MYO1A: variants seen among roughly 807,000 people sequenced by gnomAD.
MYO1A encodes the protein myosin IA.
MYO1A carries 127 observed loss-of-function variants against 138.5 expected under a neutral mutation model. The observed-to-expected ratio is 0.92, with a 90% CI of 0.79 to 1.06. The LOEUF (loss-of-function observed/expected upper bound fraction) is 1.06, where lower values mean the gene tolerates loss of function less well. Among genes scored for constraint, MYO1A ranks in the 50% least tolerant of loss-of-function variants. MYO1A has a pLI of 0.00. For missense variants in MYO1A, 1,211 were observed against 1,288.8 expected (o/e 0.94, Z 0.92); for synonymous variants, 477 against 497.5 (o/e 0.96, Z 0.55).
Position 57,036,860 on chromosome 12 carries a change from T to C in MYO1A, c.2206-20A>G. The C allele has an allele frequency of 6.2e-7, 1 of 1,614,140 alleles. No individual in the cohort carries two copies. Among genetic ancestry groups the C allele is most frequent in the Non-Finnish European group, 8.5e-7 (1 of 1,180,012 alleles). On this transcript the variant is annotated intron_variant, in intron 20 of 27. Coordinates refer to ENST00000300119, the MANE Select transcript of MYO1A (RefSeq NM_005379.4). ...CTTTTGCTGTAGAAAACATAGGAGT[T>C]GTTAGAAAAATGGCACCTCCTGAGC...
Position 57,030,330 on chromosome 12 carries a change from G to A in MYO1A, c.2485-14C>T, listed in dbSNP as rs747343919. 3.8e-5 allele frequency: 61 copies of A among 1,609,990 alleles called. No individual in the cohort carries two copies. The East Asian group carries it at 1.2e-3, about 33-fold the overall frequency. On this transcript the variant is annotated splice_polypyrimidine_tract_variant and intron_variant, in intron 23 of 27. Transcript: ENST00000300119. ...GAACCTCTTGCACTGTGAGGAAGGA[G>A]GGACAGGAGCTAAAATCATAGAGTG...
At position 57,043,805 on chromosome 12, in the gene MYO1A, A is replaced by G. The variant is rs116732460; in HGVS notation, c.892+51T>C. ...GAGATGGTAGAAGGACACGACTTGTAGTAGGAAATTCAGGGTCTGGGTAGG... is the reference window on the plus strand; with the variant it reads ...GAGATGGTAGAAGGACACGACTTGTGGTAGGAAATTCAGGGTCTGGGTAGG... On this transcript the variant is annotated intron_variant, in intron 10 of 27. Coordinates refer to ENST00000300119, the MANE Select transcript of MYO1A (RefSeq NM_005379.4). 5.9e-4 allele frequency: 948 copies of G among 1,612,770 alleles called. 6 individuals carry two copies. The African/African-American group carries it at 0.011, about 19-fold the overall frequency.
intron 4 of MYO1A, 93 bp downstream of exon 4, chr12:57,047,534 G>C (rs988368298): frequency 1.1e-5 from 16 of 1,508,120 alleles, no homozygotes; most frequent in Non-Finnish European, 1.4e-5. Flanking sequence ...GAAGTTCTGT[G>C]GGGTGGAGGG....
chr12:57,041,057 G>T, intron 14 of MYO1A, 127 bp downstream of exon 14: 1 of 733,234 alleles, frequency 1.4e-6, no homozygotes. Flanking sequence ...CTATGCAAGG[G>T]AAACATTTTG....
At position 57,047,305 on chromosome 12, in the gene MYO1A, T is replaced by C; in HGVS notation, c.428A>G (p.Glu143Gly). Reference sequence around the variant, plus strand: ...AGGGCAGAGAGCAGAATTCTCACCCTCCAGCACTGGGTTAGACTGTAGCAG... The same window carrying C: ...AGGGCAGAGAGCAGAATTCTCACCCCCCAGCACTGGGTTAGACTGTAGCAG... ...EQLLQSNPVL[E>G]AFGNAKTIRN... The change falls in exon 5 of 28, where the codon GAG (glutamate) becomes GGG (glycine). Residue 143 changes from glutamate (E) to glycine (G), a missense_variant and splice_region_variant. Coordinates refer to ENST00000300119, the MANE Select transcript of MYO1A (RefSeq NM_005379.4). 1 of 1,613,586 alleles carries C rather than the reference T, an allele frequency of 6.2e-7. No individual in the cohort carries two copies. Among genetic ancestry groups the C allele is most frequent in the South Asian group, 1.1e-5 (1 of 91,070 alleles).
chr12:57,039,579 T>C (rs1366277051), intron 14 of MYO1A: 3 of 423,192 alleles, frequency 7.1e-6, no homozygotes, highest in Non-Finnish European at 1.3e-5. Flanking sequence ...AAGATTAGGA[T>C]AGAGATTTCC....
rs755412826 is a variant in MYO1A, at chr12:57,029,760, CCTT to C, written c.2701_2703del (p.Lys901del). 3.7e-6 allele frequency: 6 copies of C among 1,614,112 alleles called. No individual in the cohort carries two copies. In the South Asian group the frequency reaches 5.5e-5, roughly 15 times the overall value. The stretch of plus-strand genomic sequence containing the variant: ...CTTACCTTGCCATTGCCACGATTGA[CCTT>C]CTTCACGGCCTCTGCCATCAGAACA... On this transcript the variant is annotated inframe_deletion, in exon 25 of 28. Coordinates refer to ENST00000300119, the MANE Select transcript of MYO1A (RefSeq NM_005379.4).
intron 24 of MYO1A, 58 bp from the exon 25 acceptor site, chr12:57,029,930 C>A: frequency 6.2e-7 from 1 of 1,613,334 alleles, no homozygotes; most frequent in South Asian, 1.1e-5. Context: ...TTCCCCACCC[C>A]CAGAGTTCCC....
Position 57,041,513 on chromosome 12 carries a change from A to G in MYO1A, c.1099-16T>C. On this transcript the variant is annotated splice_polypyrimidine_tract_variant and intron_variant, in intron 12 of 27. Transcript: ENST00000300119. ...CGATGCCCACCTGAAGAGGAGAGAAAGATAAATCTGAGGACAGGCCCCCTC... is the reference window on the plus strand; with the variant it reads ...CGATGCCCACCTGAAGAGGAGAGAAGGATAAATCTGAGGACAGGCCCCCTC... 1 of 1,609,172 alleles carries G rather than the reference A, an allele frequency of 6.2e-7. No individual in the cohort carries two copies. Among genetic ancestry groups the G allele is most frequent in the Non-Finnish European group, 8.5e-7 (1 of 1,175,460 alleles).
At chr12:57,043,562 TA>T (rs113484493) in intron 10 of MYO1A, among the ~76,000 whole-genome samples, 6 of 152,340 alleles carry the variant, frequency 3.9e-5, no homozygotes, top group African/African-American at 1.4e-4. Flanking sequence ...ATTTTGCATG[TA>T]TCATCTACTT....
At chr12:57,041,069 CCT>C in intron 14 of MYO1A, 113 bp downstream of exon 14, 1 of 771,628 alleles carries the variant, frequency 1.3e-6, no homozygotes, top group Non-Finnish European at 2.3e-6. Context: ...AACATTTTGT[CCT>C]CTGTGTTCAC....
At position 57,038,797 on chromosome 12, in the gene MYO1A, C is replaced by A. The variant is rs2030716119; in HGVS notation, c.1533+12G>T. On this transcript the variant is annotated intron_variant, in intron 16 of 27. Coordinates refer to ENST00000300119, the MANE Select transcript of MYO1A (RefSeq NM_005379.4). ...GAGCCCTAATCTCTGCCCTCCAGCC[C>A]TGCCATTTCACCTTGCCCGCATAGT... 6.2e-7 allele frequency: 1 copy of A among 1,614,168 alleles called. No individual in the cohort carries two copies. The highest frequency in any genetic ancestry group is 8.5e-7 in the Non-Finnish European group (1 of 1,180,018).
In MYO1A at chr12:57,043,145, C is replaced by T. The variant is rs376700544; in HGVS notation, c.1025G>A (p.Arg342Gln). 9.9e-6 allele frequency: 16 copies of T among 1,614,146 alleles called. No homozygotes were observed. In the East Asian group the frequency reaches 1.6e-4, roughly 16 times the overall value. ...ALNVMQAQYARDALAKNIYSR... is the reference protein window; with the variant it reads ...ALNVMQAQYAQDALAKNIYSR... ...GTAGATGTTCTTAGCCAGGGCGTCCCGAGCATACTGAGCCTGTGGGTGAGG... is the reference window on the plus strand; with the variant it reads ...GTAGATGTTCTTAGCCAGGGCGTCCTGAGCATACTGAGCCTGTGGGTGAGG... Residue 342 changes from arginine (R) to glutamine (Q), a missense_variant, in exon 12 of 28, where the codon CGG becomes CAG. Arg to Gln is a conservative substitution (Grantham distance 43, BLOSUM62 1). Coordinates refer to ENST00000300119, the MANE Select transcript of MYO1A (RefSeq NM_005379.4).
chr12:57,037,762 CA>C, intron 18 of MYO1A, 106 bp downstream of exon 18: 1 of 1,488,624 alleles, frequency 6.7e-7, no homozygotes, highest in Non-Finnish European at 9.4e-7. Flanking sequence ...TCAAAGTATC[CA>C]TTCACCCAGC....
intron 22 of MYO1A, among the ~76,000 whole-genome samples, chr12:57,035,308 A>G (rs925634673): frequency 1.3e-5 from 2 of 152,346 alleles, no homozygotes; most frequent in African/African-American, 2.4e-5. Flanking sequence ...ACAAGAGGTG[A>G]TCAGGCAACT....
chr12:57,037,886 G>C lies in MYO1A; in HGVS notation c.1944C>G (p.His648Gln). The C allele has an allele frequency of 6.2e-7, 1 of 1,614,168 alleles. No individual in the cohort carries two copies. The highest frequency in any genetic ancestry group is 8.5e-7 in the Non-Finnish European group (1 of 1,180,028). The change falls in exon 18 of 28, where the codon CAC becomes CAG. Residue 648 changes from histidine to glutamine, a missense_variant. Physicochemically the swap from His to Gln is conservative, Grantham distance 24 (BLOSUM62 0). Coordinates refer to ENST00000300119, the MANE Select transcript of MYO1A (RefSeq NM_005379.4). ...GGTCTTACCGGTCTCCCCCATTCCA[G>C]TGAGGCCAGGTGCTCCGGCTCAGCA... ...YRLLSRSTWP[H>Q]WNGGDREGVE...
chr12:57,044,256 G>C, intron 8 of MYO1A, 47 bp from the exon 9 acceptor site: 1 of 1,498,192 alleles, frequency 6.7e-7, no homozygotes, highest in Non-Finnish European at 9.2e-7. Flanking sequence ...CAGGCTCTCT[G>C]GAGCCCTCCA....
In MYO1A at chr12:57,038,897, T is replaced by C. The variant is rs147130719; in HGVS notation, c.1445A>G (p.Tyr482Cys). ...LNQLFSKHGHYESKVTQNAQR... is the reference protein window; with the variant it reads ...LNQLFSKHGHCESKVTQNAQR... ...GGCATTCTGGGTGACTTTGCTCTCG[T>C]AGTGGCCATGCTTGGAGAAGAGCTG... is the stretch of plus-strand genomic sequence containing the variant. The change falls in exon 16 of 28, where the codon TAC (tyrosine) becomes TGC (cysteine). Residue 482 changes from tyrosine to cysteine, a missense_variant. Transcript: ENST00000300119. 2.6e-4 allele frequency: 421 copies of C among 1,614,066 alleles called. No homozygotes were observed. Among genetic ancestry groups the C allele is most frequent in the Non-Finnish European group, 3.2e-4 (377 of 1,180,042 alleles).
chr12:57,028,740 C>G lies in MYO1A; in HGVS notation c.*15G>C. 6.2e-7 allele frequency: 1 copy of G among 1,613,752 alleles called. No homozygotes were observed. The highest frequency in any genetic ancestry group is 8.5e-7 in the Non-Finnish European group (1 of 1,179,786). ...CAGGAGGAAGCAACTGCCATCTCTG[C>G]ATGGTGCCCCCTCCTCACTGCACAG... On this transcript the variant is annotated 3_prime_UTR_variant, in exon 28 of 28. Coordinates refer to ENST00000300119, the MANE Select transcript of MYO1A (RefSeq NM_005379.4).
Sources: allele counts gnomAD v4.1 joint callset (sites outside exome capture counted in the v4.1 genomes callset), GRCh38; gene constraint gnomAD v4.1.1; transcripts MANE v1.5; gene names NCBI Gene and HGNC (gene_info 2026-07-23, HGNC 2026-07-21).